The following NPAS2 variants were observed in gnomAD, a reference collection of about 807,000 sequenced individuals.
The protein encoded by NPAS2 is neuronal PAS domain-containing protein 2.
Under a neutral mutation model 107.5 loss-of-function variants are expected in NPAS2, and 23 were observed. The ratio of observed to expected loss-of-function variants is 0.21; its 90% CI spans 0.15 to 0.30. The LOEUF (loss-of-function observed/expected upper bound fraction) is 0.30. NPAS2 is among the 10% of genes least tolerant of loss of function. The probability of loss-of-function intolerance (pLI) is 1.00; values close to 1 mark genes in which losing one functional copy is unlikely to be tolerated. For synonymous variants in NPAS2, 403 were observed against 417.5 expected, an observed-to-expected ratio of 0.97 and a Z score of 0.42; for missense variants, 756 against 1,043.3, an observed-to-expected ratio of 0.72 and a Z score of 3.79.
chr2:100,830,094 C>T (rs1253770780), intron 1 of NPAS2, among the ~76,000 whole-genome samples: 1 of 152,136 alleles, frequency 6.6e-6, no homozygotes, highest in Non-Finnish European at 1.5e-5. Context: ...CAGCATAGCT[C>T]TTTGGTCTTT....
intron 1 of NPAS2, among the ~76,000 whole-genome samples, chr2:100,897,355 G>A (rs549405058): frequency 5.8e-4 from 88 of 152,264 alleles, no homozygotes; most frequent in African/African-American, 2.1e-3. Flanking sequence ...TTGAGTGTCT[G>A]CTGCAGGCCA....
chr2:100,943,034 T>TGATG lies in NPAS2; in HGVS notation c.363+5193_363+5196dup, dbSNP rs1386661848. Among the ~76,000 whole-genome samples, 6 of 152,320 alleles carry TGATG rather than the reference T, an allele frequency of 3.9e-5. No homozygotes were observed. In the East Asian group the frequency reaches 7.7e-4, roughly 20 times the overall value. On this transcript the variant is annotated intron_variant, in intron 5 of 20. Transcript: ENST00000335681. ...TCCATGAACATCCTGTAGTGTTTCCTGATGAACGTTTGCAAGCATCCCTGG... is the reference window on the plus strand; with the variant it reads ...TCCATGAACATCCTGTAGTGTTTCCTGATGGATGAACGTTTGCAAGCATCCCTGG...
In NPAS2 at chr2:100,831,858, C is replaced by G. The variant is rs532207405; in HGVS notation, c.-23+11444C>G. ...CAAGGTGGCCTTGATGAAAATAGAC[C>G]CCTATCCTGCATTTTACATCTCCTT... is the stretch of plus-strand genomic sequence containing the variant. On this transcript the variant is annotated intron_variant, in intron 1 of 20. Coordinates refer to ENST00000335681, the MANE Select transcript of NPAS2 (RefSeq NM_002518.4). 2.7e-3 allele frequency among the ~76,000 whole-genome samples: 408 copies of G among 152,114 alleles called. 2 individuals are homozygous for G. Among genetic ancestry groups the G allele is most frequent in the African/African-American group, 9.5e-3 (393 of 41,494 alleles).
intron 2 of NPAS2, among the ~76,000 whole-genome samples, chr2:100,912,312 C>T (rs1171423074): frequency 6.6e-6 from 1 of 151,874 alleles, no homozygotes; most frequent in Admixed American, 6.6e-5. Flanking sequence ...TAGTGCTGCA[C>T]CCTTTTCAGT....
At chr2:100,969,238 ACATAGGT>A (rs1342173389) in intron 11 of NPAS2, among the ~76,000 whole-genome samples, 2 of 151,442 alleles carry the variant, frequency 1.3e-5, no homozygotes, top group Admixed American at 6.6e-5. Flanking sequence ...CAGGTTTGTT[ACATAGGT>A]ATATATGTGC....
intron 1 of NPAS2, among the ~76,000 whole-genome samples, chr2:100,885,100 C>A: frequency 6.6e-6 from 1 of 152,068 alleles, no homozygotes; most frequent in African/African-American, 2.4e-5. Flanking sequence ...AGGTGCCCAC[C>A]AGCACGCCCA....
intron 2 of NPAS2, among the ~76,000 whole-genome samples, chr2:100,908,828 C>T (rs2104797830): frequency 6.6e-6 from 1 of 152,268 alleles, no homozygotes; most frequent in East Asian, 1.9e-4. Flanking sequence ...TATGGCTCTG[C>T]TGCCTTTGTT....
intron 16 of NPAS2, chr2:100,985,651 T>A (rs1465306084): frequency 1.3e-5 from 2 of 152,266 alleles, no homozygotes; most frequent in African/African-American, 2.4e-5. Context: ...GCTCCTTTTT[T>A]CATTTTGAAT....
chr2:100,952,850 AG>A (rs1177396161), intron 7 of NPAS2, among the ~76,000 whole-genome samples: 3 of 127,376 alleles, frequency 2.4e-5, no homozygotes, highest in East Asian at 2.1e-4. Context: ...ATTATGTGTG[AG>A]GTTTTTTTTT....
chr2:100,830,543 G>T (rs969495068), intron 1 of NPAS2, among the ~76,000 whole-genome samples: 3 of 147,478 alleles, frequency 2.0e-5, no homozygotes, highest in African/African-American at 7.5e-5. Context: ...TCATTGTTCA[G>T]TTCCCACCTA....
chr2:100,937,496 G>A (rs1329960266), intron 4 of NPAS2, among the ~76,000 whole-genome samples: 2 of 152,306 alleles, frequency 1.3e-5, no homozygotes, highest in East Asian at 3.9e-4. Flanking sequence ...ATGGCTAAAT[G>A]TTATTTGATT....
At chr2:100,925,447 C>G (rs1683500121) in intron 3 of NPAS2, 153 bp downstream of exon 3, 2 of 733,344 alleles carry the variant, frequency 2.7e-6, no homozygotes, top group Admixed American at 2.9e-5. Flanking sequence ...ACTCCACCCT[C>G]TATCAGCCCG....
chr2:100,948,889 A>C (rs2105048338), intron 6 of NPAS2, among the ~76,000 whole-genome samples: 1 of 152,342 alleles, frequency 6.6e-6, no homozygotes, highest in South Asian at 2.1e-4. Flanking sequence ...TGCCTCGTGA[A>C]CCACGGGTCA....
chr2:100,861,675 C>T (rs1045819230), intron 1 of NPAS2, among the ~76,000 whole-genome samples: 8 of 152,156 alleles, frequency 5.3e-5, no homozygotes, highest in Admixed American at 5.2e-4. Flanking sequence ...ACCTGGGGGC[C>T]TCTTCTACAG....
intron 2 of NPAS2, among the ~76,000 whole-genome samples, chr2:100,918,225 A>G (rs1023111528): frequency 6.6e-6 from 1 of 152,100 alleles, no homozygotes; most frequent in Admixed American, 6.5e-5. Context: ...GGCAAAATGC[A>G]ACATCTATTC....
intron 1 of NPAS2, among the ~76,000 whole-genome samples, chr2:100,869,750 G>A (rs975371387): frequency 2.0e-5 from 3 of 152,098 alleles, no homozygotes; most frequent in African/African-American, 7.2e-5. Flanking sequence ...CCCCTCCAAG[G>A]ATGGGCTTCA....
At chr2:100,872,726 C>G (rs910968968) in intron 1 of NPAS2, among the ~76,000 whole-genome samples, 6 of 152,140 alleles carry the variant, frequency 3.9e-5, no homozygotes, top group African/African-American at 1.2e-4. Context: ...TTCTTACTGC[C>G]TCACTCTAGA....
intron 14 of NPAS2, chr2:100,977,052 A>AG (rs1428932399): frequency 1.3e-5 from 2 of 151,090 alleles, no homozygotes; most frequent in African/African-American, 2.4e-5. Flanking sequence ...AAAAAAAAAA[A>AG]CCACTAGAAA....
At chr2:100,967,823 G>A (rs1385811243) in intron 10 of NPAS2, among the ~76,000 whole-genome samples, 1 of 152,192 alleles carries the variant, frequency 6.6e-6, no homozygotes, top group East Asian at 1.9e-4. Flanking sequence ...TGAGAACTGT[G>A]TCGACTGGGC....
Sources: gnomAD v4.1 joint callset for allele counts (sites outside exome capture counted in the v4.1 genomes callset) on GRCh38, gnomAD v4.1.1 for gene constraint, MANE v1.5 for transcripts, NCBI Gene and HGNC (gene_info 2026-07-23, HGNC 2026-07-21) for gene names.